Variants in PCDHA9 observed in about 807,000 individuals in gnomAD.
PCDHA9 encodes the protein protocadherin alpha 9, also known as protocadherin alpha-9.
A neutral mutation model predicts 62.0 loss-of-function variants in PCDHA9; 62 were observed. That is an observed-to-expected ratio of 1.00 (90% CI 0.81 to 1.23). The LOEUF (loss-of-function observed/expected upper bound fraction) is 1.23. Ranked by LOEUF, PCDHA9 falls within the 50% of genes most tolerant of loss-of-function variation. The probability of loss-of-function intolerance (pLI) is 0.00; values close to 1 mark genes in which losing one functional copy is unlikely to be tolerated. For missense variants in PCDHA9, 1,205 were observed against 1,249.8 expected (o/e 0.96, Z 0.54); for synonymous variants, 557 against 567.6 (o/e 0.98, Z 0.27).
Position 140,849,825 on chromosome 5 carries a change from G to A in PCDHA9, c.1330G>A (p.Glu444Lys). Residue 444 changes from glutamate (E) to lysine (K), a missense_variant, in exon 1 of 4, where the codon GAG becomes AAG. This residue lies in a region of PCDHA9 where 887 missense variants were observed against 809.5 expected (regional missense o/e 1.10). Coordinates refer to ENST00000532602, the MANE Select transcript of PCDHA9 (RefSeq NM_031857.2). ...GTGGGCCACGGCCAGGGTGTCTGTG[G>A]AGGTGGCCGACGTGAACGACAACGC... The part of the protein sequence containing the change: ...SLWATARVSV[E>K]VADVNDNAPA... 1 of 1,598,526 alleles carries A rather than the reference G, an allele frequency of 6.3e-7. No individual in the cohort carries two copies. Among genetic ancestry groups the A allele is most frequent in the Non-Finnish European group, 8.6e-7 (1 of 1,167,954 alleles).
At chr5:140,969,439 T>C (rs1554231802) in intron 1 of PCDHA9, 2 of 1,546,634 alleles carry the variant, frequency 1.3e-6, no homozygotes, top group Admixed American at 3.9e-5. Context: ...AAGAGTTATC[T>C]GGTAAACTGA....
intron 3 of PCDHA9, among the ~76,000 whole-genome samples, chr5:141,001,281 A>T (rs1239906088): frequency 6.6e-6 from 1 of 152,168 alleles, no homozygotes; most frequent in African/African-American, 2.4e-5. Context: ...TTTTTTACGG[A>T]TGAAAACTGA....
At chr5:140,907,647 G>A (rs1336039908) in intron 1 of PCDHA9, among the ~76,000 whole-genome samples, 1 of 152,192 alleles carries the variant, frequency 6.6e-6, no homozygotes, top group East Asian at 1.9e-4. Flanking sequence ...CTGGCAAATT[G>A]GGCACTCAGC....
chr5:140,950,515 C>T lies in PCDHA9; in HGVS notation c.2395-28434C>T, dbSNP rs144121614. 1.4e-3 allele frequency among the ~76,000 whole-genome samples: 220 copies of T among 151,996 alleles called. 1 individual carries two copies. The highest frequency in any genetic ancestry group is 4.9e-3 in the African/African-American group (204 of 41,490). On this transcript the variant is annotated intron_variant, in intron 1 of 3. Transcript: ENST00000532602. The stretch of plus-strand genomic sequence containing the variant: ...CATTTAAGTCATTATTCCCTGTGTG[C>T]GATATGATTGTTTTTGTTGCTCTTG...
chr5:140,952,734 C>T (rs143946641), intron 1 of PCDHA9, among the ~76,000 whole-genome samples: 1 of 152,272 alleles, frequency 6.6e-6, no homozygotes, highest in East Asian at 1.9e-4. Flanking sequence ...CTAGTCTTTT[C>T]TCACACTGCT....
chr5:140,929,291 A>G (rs782335969), intron 1 of PCDHA9: 19 of 1,596,972 alleles, frequency 1.2e-5, no homozygotes, highest in Non-Finnish European at 1.6e-5. Flanking sequence ...CAGATTCGGA[A>G]TAGGAAAGGG....
chr5:140,869,190 C>G (rs536787060), intron 1 of PCDHA9: 1 of 1,613,998 alleles, frequency 6.2e-7, no homozygotes, highest in African/African-American at 1.3e-5. Context: ...TGGGGAGCGG[C>G]CAGCTCCACT....
chr5:140,965,928 C>T (rs2095948805), intron 1 of PCDHA9, among the ~76,000 whole-genome samples: 1 of 152,198 alleles, frequency 6.6e-6, no homozygotes, highest in South Asian at 2.1e-4. Flanking sequence ...GGCTTGCTCC[C>T]GGAAAGAGGG....
rs146638035 is a variant in PCDHA9 at position 140,850,357 on chromosome 5, C to G, written c.1862C>G (p.Pro621Arg). Residue 621 changes from proline (P) to arginine (R), a missense_variant, in exon 1 of 4, where the codon CCG becomes CGG. Transcript: ENST00000532602. The part of the protein sequence containing the change: ...LQPETASASI[P>R]FRVGLYTGEI... ...CCAGAAACGGCCAGCGCGAGCATCCCGTTCCGCGTGGGGCTGTACACGGGC... is the reference window on the plus strand; with the variant it reads ...CCAGAAACGGCCAGCGCGAGCATCCGGTTCCGCGTGGGGCTGTACACGGGC... 1 of 1,597,856 alleles carries G rather than the reference C, an allele frequency of 6.3e-7. No individual in the cohort carries two copies. Among genetic ancestry groups the G allele is most frequent in the African/African-American group, 1.3e-5 (1 of 74,400 alleles).
chr5:140,983,239 C>CCTGCTAAGTTGTGTAAAAAA (rs1261909895), intron 3 of PCDHA9, among the ~76,000 whole-genome samples: 1 of 152,176 alleles, frequency 6.6e-6, no homozygotes, highest in Non-Finnish European at 1.5e-5. Flanking sequence ...GGAAAGAGAA[C>CCTGCTAAGTTGTGTAAAAAA]CTGCTAAGTT....
chr5:140,904,139 A>C (rs557435150), intron 1 of PCDHA9, among the ~76,000 whole-genome samples: 10 of 152,286 alleles, frequency 6.6e-5, no homozygotes, highest in African/African-American at 2.2e-4. Flanking sequence ...TCACCCGAGC[A>C]GTATACATTG....
chr5:140,857,951 G>T (rs569786768), intron 1 of PCDHA9: 15 of 1,597,274 alleles, frequency 9.4e-6, no homozygotes, highest in East Asian at 2.2e-5. Flanking sequence ...TACGACGCGC[G>T]CTCTGGATGA....
In PCDHA9 at chr5:140,883,789, C is replaced by T. The variant is rs782802452; in HGVS notation, c.2394+32900C>T. ...TGGGCGAGCGTGCGCTGTCGAGCTACGTGTCGGTGCACGCGGAGAGCGGCA... is the reference window on the plus strand; with the variant it reads ...TGGGCGAGCGTGCGCTGTCGAGCTATGTGTCGGTGCACGCGGAGAGCGGCA... On this transcript the variant is annotated intron_variant, in intron 1 of 3. Coordinates refer to ENST00000532602, the MANE Select transcript of PCDHA9 (RefSeq NM_031857.2). 1.4e-5 allele frequency: 22 copies of T among 1,612,296 alleles called. No homozygotes were observed. In the South Asian group the frequency reaches 2.0e-4, roughly 14 times the overall value.
chr5:140,870,297 C>T, intron 1 of PCDHA9: 1 of 1,614,186 alleles, frequency 6.2e-7, no homozygotes, highest in Non-Finnish European at 8.5e-7. Context: ...AGCTGGTGTC[C>T]ACCTTCAAGA....
intron 1 of PCDHA9, among the ~76,000 whole-genome samples, chr5:140,907,595 A>C (rs1278261727): frequency 6.6e-6 from 1 of 152,198 alleles, no homozygotes; most frequent in African/African-American, 2.4e-5. Flanking sequence ...GATCACCCTG[A>C]GGAATGGTGC....
At chr5:140,927,714 C>G (rs111315855) in intron 1 of PCDHA9, 1 of 1,614,198 alleles carries the variant, frequency 6.2e-7, no homozygotes. Flanking sequence ...CCCTAAGCAA[C>G]AGCACGCAAG....
At chr5:140,861,759 C>T (rs2047064113) in intron 1 of PCDHA9, 1 of 93,332 alleles carries the variant, frequency 1.1e-5, no homozygotes, top group Non-Finnish European at 2.2e-5. Context: ...GATTATTTTT[C>T]CCTGGAAATA....
intron 1 of PCDHA9, among the ~76,000 whole-genome samples, chr5:140,875,029 T>C (rs1288139866): frequency 6.6e-6 from 1 of 152,256 alleles, no homozygotes; most frequent in Non-Finnish European, 1.5e-5. Flanking sequence ...TGGCCTACTG[T>C]ATTTGAAAGA....
chr5:140,859,825 T>C (rs752840072), intron 1 of PCDHA9: 1 of 152,250 alleles, frequency 6.6e-6, no homozygotes, highest in Admixed American at 6.5e-5. Flanking sequence ...AGTTTAGAAG[T>C]GTATTTGTTA....
Sources: allele counts gnomAD v4.1 joint callset (sites outside exome capture counted in the v4.1 genomes callset), GRCh38; gene constraint gnomAD v4.1.1; regional missense constraint gnomAD v4.1.1; transcripts MANE v1.5; gene names NCBI Gene and HGNC (gene_info 2026-07-23, HGNC 2026-07-21).